The following TAFA5 variants were observed in gnomAD, a reference collection of about 807,000 sequenced individuals.
TAFA5 encodes the protein chemokine-like protein TAFA-5.
TAFA5 carries 6 observed loss-of-function variants against 15.3 expected under a neutral mutation model. The observed-to-expected ratio is 0.39, with a 90% CI of 0.21 to 0.77. The LOEUF is 0.77. Ranked by LOEUF, TAFA5 falls within the 30% of genes least tolerant of loss-of-function variation. The pLI, the probability that TAFA5 is intolerant of heterozygous loss-of-function variation, is 0.41. For missense variants in TAFA5, 161 were observed against 193.1 expected, an observed-to-expected ratio of 0.83 and a Z score of 0.98; for synonymous variants, 103 against 80.7, an observed-to-expected ratio of 1.28 and a Z score of -1.48.
chr22:48,588,598 T>C (rs1247749057), intron 1 of TAFA5, among the ~76,000 whole-genome samples: 1 of 152,108 alleles, frequency 6.6e-6, no homozygotes, highest in East Asian at 1.9e-4. Context: ...GGCTGCTGGG[T>C]ATCGGGGCTG....
At chr22:48,624,498 G>A (rs1379891154) in intron 1 of TAFA5, among the ~76,000 whole-genome samples, 1 of 152,142 alleles carries the variant, frequency 6.6e-6, no homozygotes, top group African/African-American at 2.4e-5. Flanking sequence ...TCCCCATTTC[G>A]TAATCGGTTC....
At chr22:48,720,748 A>G (rs1338255265) in intron 3 of TAFA5, among the ~76,000 whole-genome samples, 1 of 135,788 alleles carries the variant, frequency 7.4e-6, no homozygotes, top group Non-Finnish European at 1.7e-5. Flanking sequence ...GCACCTGGGC[A>G]CGGAGCCTCC....
At chr22:48,581,353 C>G (rs1413964653) in intron 1 of TAFA5, among the ~76,000 whole-genome samples, 1 of 152,236 alleles carries the variant, frequency 6.6e-6, no homozygotes, top group Non-Finnish European at 1.5e-5. Flanking sequence ...GGGGTCCCTC[C>G]CACTGCACAC....
At chr22:48,704,206 A>G (rs1299434147) in intron 2 of TAFA5, among the ~76,000 whole-genome samples, 12 of 75,120 alleles carry the variant, frequency 1.6e-4, no homozygotes, top group African/African-American at 5.3e-4. Flanking sequence ...ACGCGCACAC[A>G]CACACACACA....
chr22:48,666,775 A>C (rs548677206), intron 2 of TAFA5, among the ~76,000 whole-genome samples: 1 of 152,298 alleles, frequency 6.6e-6, no homozygotes, highest in South Asian at 2.1e-4. Flanking sequence ...TGACATCAGC[A>C]GGCCTCCCTC....
chr22:48,601,111 T>C lies in TAFA5; in HGVS notation c.113-45486T>C, dbSNP rs1222992576. ...TAACTACAGCCTGTTATTAGAATTG[T>C]CCTGTTTGATTACTAGTTATTGCTG... On this transcript the variant is annotated intron_variant, in intron 1 of 3. Transcript: ENST00000402357. Among the ~76,000 whole-genome samples, 3 of 152,198 alleles carry C rather than the reference T, an allele frequency of 2.0e-5. 1 individual carries two copies. The East Asian group carries it at 5.8e-4, about 29-fold the overall frequency.
At chr22:48,618,213 T>G (rs910721702) in intron 1 of TAFA5, among the ~76,000 whole-genome samples, 3 of 151,980 alleles carry the variant, frequency 2.0e-5, no homozygotes, top group Non-Finnish European at 4.4e-5. Context: ...GCTCTGGAAG[T>G]CTCTACACCT....
intron 1 of TAFA5, among the ~76,000 whole-genome samples, chr22:48,591,009 G>C (rs1042760137): frequency 6.6e-6 from 1 of 152,000 alleles, no homozygotes; most frequent in Admixed American, 6.6e-5. Flanking sequence ...CCATCACCAC[G>C]CCCAGCTAAT....
intron 2 of TAFA5, among the ~76,000 whole-genome samples, chr22:48,654,502 G>A (rs115756123): frequency 1.3e-3 from 202 of 152,308 alleles, no homozygotes; most frequent in African/African-American, 4.3e-3. Flanking sequence ...CCCCCACTCC[G>A]TGTGATTCGG....
chr22:48,658,580 C>A (rs761677605), intron 2 of TAFA5, among the ~76,000 whole-genome samples: 18 of 152,192 alleles, frequency 1.2e-4, no homozygotes, highest in Non-Finnish European at 2.4e-4. Context: ...ATGGATCACC[C>A]CATTCATTGT....
At chr22:48,701,815 AAC>A (rs1928915987) in intron 2 of TAFA5, among the ~76,000 whole-genome samples, 1 of 152,088 alleles carries the variant, frequency 6.6e-6, no homozygotes, top group South Asian at 2.1e-4. Context: ...CCTCCCCTGA[AAC>A]ACAGTCCCAG....
chr22:48,627,434 C>T (rs1926063947), intron 1 of TAFA5, among the ~76,000 whole-genome samples: 1 of 152,258 alleles, frequency 6.6e-6, no homozygotes, highest in South Asian at 2.1e-4. Flanking sequence ...CGCGTGCAGG[C>T]TGGGCCAGTG....
rs568404267 is a variant in TAFA5, at chr22:48,554,966, G to A, written c.112+65262G>A. Among the ~76,000 whole-genome samples, 347 of 152,306 alleles carry A rather than the reference G, an allele frequency of 2.3e-3. 1 individual carries two copies. Among genetic ancestry groups the A allele is most frequent in the Non-Finnish European group, 4.0e-3 (274 of 68,026 alleles). The stretch of plus-strand genomic sequence containing the variant: ...TGTCCTCGGGAGTCCCTGGGCGGGG[G>A]CCCAGGGTGGCAATGTAGCCCCTGA... On this transcript the variant is annotated intron_variant, in intron 1 of 3. Coordinates refer to ENST00000402357, the MANE Select transcript of TAFA5 (RefSeq NM_001082967.3).
chr22:48,719,670 G>A (rs1286618687), intron 3 of TAFA5, among the ~76,000 whole-genome samples: 1 of 152,192 alleles, frequency 6.6e-6, no homozygotes, highest in African/African-American at 2.4e-5. Context: ...AGAAGTGGCC[G>A]GGGACCCGCA....
chr22:48,738,211 T>A (rs1456807534), intron 3 of TAFA5, among the ~76,000 whole-genome samples: 1 of 152,166 alleles, frequency 6.6e-6, no homozygotes, highest in Non-Finnish European at 1.5e-5. Context: ...GGGGAGGGCC[T>A]TATTGTCACT....
chr22:48,654,932 G>T (rs1927184093), intron 2 of TAFA5, among the ~76,000 whole-genome samples: 1 of 152,182 alleles, frequency 6.6e-6, no homozygotes, highest in Admixed American at 6.5e-5. Flanking sequence ...GAGGGGCCGT[G>T]GTGGGGCAGC....
chr22:48,569,738 G>T (rs980726641), intron 1 of TAFA5, among the ~76,000 whole-genome samples: 4 of 152,226 alleles, frequency 2.6e-5, no homozygotes, highest in Non-Finnish European at 5.9e-5. Flanking sequence ...ATCCCGGGGG[G>T]TGGCCTCCCG....
chr22:48,599,072 C>T (rs894426651), intron 1 of TAFA5, among the ~76,000 whole-genome samples: 2 of 152,222 alleles, frequency 1.3e-5, no homozygotes, highest in East Asian at 3.9e-4. Flanking sequence ...CTCCCAGCAC[C>T]CTCCTGCGTT....
At chr22:48,602,978 C>T (rs1023987213) in intron 1 of TAFA5, among the ~76,000 whole-genome samples, 1 of 152,202 alleles carries the variant, frequency 6.6e-6, no homozygotes, top group Non-Finnish European at 1.5e-5. Flanking sequence ...CTACCAATGC[C>T]TCCTGGGCGT....
Sources: gnomAD v4.1 joint callset for allele counts (sites outside exome capture counted in the v4.1 genomes callset) on GRCh38, gnomAD v4.1.1 for gene constraint, MANE v1.5 for transcripts, NCBI Gene and HGNC (gene_info 2026-07-23, HGNC 2026-07-21) for gene names.